Variants in CSMD3 observed in about 807,000 individuals in gnomAD.
The protein encoded by CSMD3 is CUB and sushi domain-containing protein 3.
Under a neutral mutation model 435.2 loss-of-function variants are expected in CSMD3, and 177 were observed. The ratio of observed to expected loss-of-function variants is 0.41; its 90% CI spans 0.36 to 0.46. The LOEUF (loss-of-function observed/expected upper bound fraction) is 0.46, where lower values mean the gene tolerates loss of function less well. Ranked by LOEUF, CSMD3 falls within the 20% of genes least tolerant of loss-of-function variation. CSMD3 has a pLI of 0.34. For missense variants in CSMD3, 4,265 were observed against 4,504.6 expected, an observed-to-expected ratio of 0.95 and a Z score of 1.52; for synonymous variants, 1,656 against 1,520.5, an observed-to-expected ratio of 1.09 and a Z score of -2.07.
intron 1 of CSMD3, among the ~76,000 whole-genome samples, chr8:113,413,153 T>C (rs1169062415): frequency 7.9e-5 from 12 of 152,296 alleles, no homozygotes; most frequent in East Asian, 5.8e-4. Flanking sequence ...TAACTTTCCA[T>C]TATATAGCAA....
intron 5 of CSMD3, among the ~76,000 whole-genome samples, chr8:113,054,674 A>G (rs1293381225): frequency 6.6e-6 from 1 of 152,024 alleles, no homozygotes; most frequent in Non-Finnish European, 1.5e-5. Context: ...AGAAATCCCA[A>G]CTTTATGTTT....
chr8:112,310,955 C>A (rs2130811949), intron 50 of CSMD3, 23 bp downstream of exon 50: 2 of 1,602,856 alleles, frequency 1.2e-6, no homozygotes, highest in Non-Finnish European at 1.7e-6. Context: ...TGTTTTTGTT[C>A]ATTTTGGCAT....
intron 13 of CSMD3, among the ~76,000 whole-genome samples, chr8:112,761,109 T>C (rs1201455039): frequency 6.6e-6 from 1 of 152,148 alleles, no homozygotes; most frequent in Non-Finnish European, 1.5e-5. Context: ...ATGGGACACC[T>C]TCAAATTACC....
At chr8:112,919,014 C>T (rs2082653150) in intron 10 of CSMD3, among the ~76,000 whole-genome samples, 1 of 151,916 alleles carries the variant, frequency 6.6e-6, no homozygotes, top group South Asian at 2.1e-4. Flanking sequence ...ATGTTCCCTC[C>T]ATTACTGTTT....
In CSMD3 at chr8:112,304,914, A is replaced by G. The variant is rs1821278919; in HGVS notation, c.8073T>C (p.Val2691=). Reference sequence around the variant, plus strand: ...AGGAATTGATGCTTGGACATGTAACAACTATACAAAAACCAAAGGGTGTAA... The same window carrying G: ...AGGAATTGATGCTTGGACATGTAACGACTATACAAAAACCAAAGGGTGTAA... ...SNHNKTPRCV[V]VTCPSINSFI... Residue 2691 remains valine (V), a splice_region_variant and synonymous_variant, in exon 52 of 71, where the codon GTT becomes GTC. Coordinates refer to ENST00000297405, the MANE Select transcript of CSMD3 (RefSeq NM_198123.2). 2.5e-6 allele frequency: 4 copies of G among 1,612,320 alleles called. No individual in the cohort carries two copies. Among genetic ancestry groups the G allele is most frequent in the Non-Finnish European group, 3.4e-6 (4 of 1,179,016 alleles).
At chr8:112,886,421 T>C (rs2130272112) in intron 10 of CSMD3, among the ~76,000 whole-genome samples, 1 of 151,662 alleles carries the variant, frequency 6.6e-6, no homozygotes, top group South Asian at 2.1e-4. Context: ...ATCAGTTGTT[T>C]GCTCAAAATA....
chr8:112,255,830 C>G (rs113459997), intron 61 of CSMD3: 2 of 217,874 alleles, frequency 9.2e-6, no homozygotes, highest in Non-Finnish European at 1.8e-5. Flanking sequence ...CCAGGCTGCA[C>G]GCTACAGATT....
At chr8:112,584,832 A>C (rs1830597727) in intron 23 of CSMD3, among the ~76,000 whole-genome samples, 1 of 151,724 alleles carries the variant, frequency 6.6e-6, no homozygotes, top group African/African-American at 2.4e-5. Flanking sequence ...AACTGACTCC[A>C]CTATGTTCGA....
chr8:113,030,841 C>T (rs1317198052), intron 5 of CSMD3, among the ~76,000 whole-genome samples: 1 of 151,168 alleles, frequency 6.6e-6, no homozygotes, highest in African/African-American at 2.4e-5. Flanking sequence ...AAAAAATTCA[C>T]AAAATAAGAG....
chr8:112,263,562 A>G (rs2130377562), intron 61 of CSMD3, 77 bp downstream of exon 61: 1 of 1,183,024 alleles, frequency 8.5e-7, no homozygotes, highest in Non-Finnish European at 1.2e-6. Context: ...GCATTGAAGG[A>G]AGCTTAACAA....
At chr8:113,089,726 CCTTT>C (rs1367991895) in intron 5 of CSMD3, among the ~76,000 whole-genome samples, 2 of 152,070 alleles carry the variant, frequency 1.3e-5, no homozygotes, top group African/African-American at 4.8e-5. Flanking sequence ...GTGTCACTTG[CCTTT>C]CTTTATCATG....
intron 13 of CSMD3, among the ~76,000 whole-genome samples, chr8:112,700,956 G>A (rs1335273840): frequency 6.6e-6 from 1 of 152,066 alleles, no homozygotes; most frequent in African/African-American, 2.4e-5. Context: ...GGTCCACATG[G>A]CTCACATAAT....
intron 13 of CSMD3, among the ~76,000 whole-genome samples, chr8:112,737,997 C>T (rs1212633367): frequency 1.3e-5 from 2 of 151,722 alleles, no homozygotes; most frequent in Admixed American, 1.3e-4. Flanking sequence ...TGATTACATT[C>T]TGATGATAGT....
chr8:112,790,876 C>T (rs1212115892), intron 13 of CSMD3, among the ~76,000 whole-genome samples: 4 of 152,070 alleles, frequency 2.6e-5, no homozygotes, highest in Admixed American at 6.6e-5. Flanking sequence ...CTTACACTAG[C>T]GTTCAGTTTG....
At position 112,845,310 on chromosome 8, in the gene CSMD3, T is replaced by C. The variant is rs1025651051; in HGVS notation, c.1755+13835A>G. 3.3e-5 allele frequency among the ~76,000 whole-genome samples: 5 copies of C among 152,122 alleles called. No individual in the cohort carries two copies. In the South Asian group the frequency reaches 6.2e-4, roughly 19 times the overall value. ...TAAGTGCACAAACATGTAAGTACAA[T>C]GTAATGTGACAACACATGGGTCAGT... On this transcript the variant is annotated intron_variant, in intron 11 of 70. Coordinates refer to ENST00000297405, the MANE Select transcript of CSMD3 (RefSeq NM_198123.2).
chr8:112,667,980 C>T (rs1586928586), intron 16 of CSMD3, among the ~76,000 whole-genome samples: 1 of 152,000 alleles, frequency 6.6e-6, no homozygotes. Flanking sequence ...TTGATGGAAC[C>T]CAAATGAAAT....
At chr8:112,996,293 T>C (rs987159212) in intron 6 of CSMD3, among the ~76,000 whole-genome samples, 1 of 151,566 alleles carries the variant, frequency 6.6e-6, no homozygotes, top group African/African-American at 2.4e-5. Flanking sequence ...ACCATTTTAC[T>C]CTCGACTTCT....
intron 5 of CSMD3, among the ~76,000 whole-genome samples, chr8:113,079,456 C>T (rs1166464026): frequency 6.6e-6 from 1 of 151,966 alleles, no homozygotes; most frequent in Non-Finnish European, 1.5e-5. Context: ...AGCTTCATTA[C>T]ATTTTATCTT....
intron 13 of CSMD3, among the ~76,000 whole-genome samples, chr8:112,779,002 C>A (rs1160723322): frequency 6.6e-6 from 1 of 151,678 alleles, no homozygotes; most frequent in Admixed American, 6.6e-5. Flanking sequence ...ATATAATTTG[C>A]CCATTTTTTT....
Sources: allele counts gnomAD v4.1 joint callset (sites outside exome capture counted in the v4.1 genomes callset), GRCh38; gene constraint gnomAD v4.1.1; transcripts MANE v1.5; gene names NCBI Gene and HGNC (gene_info 2026-07-23, HGNC 2026-07-21).